Variants in DUOX2 observed in about 807,000 individuals in gnomAD.
DUOX2 encodes dual oxidase 2, also known as NADH/NADPH thyroid oxidase p138-tox.
In DUOX2, 185 loss-of-function variants were observed where a neutral mutation model predicts 183.3. The ratio of observed to expected loss-of-function variants is 1.01; its 90% CI spans 0.90 to 1.14. The LOEUF (loss-of-function observed/expected upper bound fraction) is 1.14. Among genes scored for constraint, DUOX2 ranks in the 50% most tolerant of loss-of-function variants. The pLI is 0.00. For synonymous variants in DUOX2, 788 were observed against 812.4 expected, an observed-to-expected ratio of 0.97 and a Z score of 0.51; for missense variants, 1,999 against 2,022.9, an observed-to-expected ratio of 0.99 and a Z score of 0.23.
intron 3 of DUOX2, 61 bp from the exon 4 acceptor site, chr15:45,112,779 T>C: frequency 4.4e-6 from 7 of 1,602,326 alleles, no homozygotes; most frequent in Middle Eastern, 3.3e-4. Flanking sequence ...CCCCCAAACC[T>C]CTCCCTAAGC....
intron 23 of DUOX2, 135 bp downstream of exon 23, chr15:45,100,620 T>C (rs770792274): frequency 1.1e-5 from 9 of 838,460 alleles, no homozygotes; most frequent in Admixed American, 1.7e-5. Flanking sequence ...CACTGTAACC[T>C]CTCAGTCAGG....
intron 24 of DUOX2, 30 bp downstream of exon 24, chr15:45,100,020 T>G: frequency 6.2e-7 from 1 of 1,614,102 alleles, no homozygotes; most frequent in Non-Finnish European, 8.5e-7. Flanking sequence ...GCCTGCTCCC[T>G]ACCCACTGCC....
chr15:45,104,433 T>C, intron 18 of DUOX2, 68 bp from the exon 19 acceptor site: 1 of 1,562,036 alleles, frequency 6.4e-7, no homozygotes, highest in Non-Finnish European at 8.7e-7. Context: ...AGCAGTTCAG[T>C]GACCCTTCAT....
intron 2 of DUOX2, 128 bp from the exon 3 acceptor site, chr15:45,113,204 C>T: frequency 6.9e-7 from 1 of 1,444,034 alleles, no homozygotes; most frequent in Non-Finnish European, 9.5e-7. Context: ...TCGGGCCGCA[C>T]TGGGAAGTTT....
intron 18 of DUOX2, 77 bp downstream of exon 18, chr15:45,105,566 C>T (rs1290859034): frequency 6.4e-7 from 1 of 1,572,168 alleles, no homozygotes; most frequent in South Asian, 1.1e-5. Context: ...AGTTCACCCA[C>T]AGGGGCGTTC....
intron 14 of DUOX2, 126 bp downstream of exon 14, chr15:45,107,219 C>A: frequency 1.5e-6 from 2 of 1,337,036 alleles, no homozygotes; most frequent in Non-Finnish European, 1.1e-6. Context: ...CAGCCAAATG[C>A]AGGCCTCCTA....
Position 45,094,916 on chromosome 15 carries a change from C to A in DUOX2, c.4395+20G>T. 1 of 1,613,210 alleles carries A rather than the reference C, an allele frequency of 6.2e-7. No homozygotes were observed. The highest frequency in any genetic ancestry group is 8.5e-7 in the Non-Finnish European group (1 of 1,179,194). On this transcript the variant is annotated intron_variant, in intron 32 of 33. Transcript: ENST00000389039. ...TCCATCTGCCCGCCAAGTTGCCCTG[C>A]CTGGCGGGCCCTGACATACTAGCAT... is the stretch of plus-strand genomic sequence containing the variant.
chr15:45,098,282 G>A (rs1241723162), intron 26 of DUOX2, among the ~76,000 whole-genome samples: 1 of 152,192 alleles, frequency 6.6e-6, no homozygotes, highest in East Asian at 1.9e-4. Context: ...CTCTCTTACT[G>A]TGGTTGACCC....
intron 9 of DUOX2, 85 bp downstream of exon 9, chr15:45,110,343 G>C: frequency 7.6e-7 from 1 of 1,318,454 alleles, no homozygotes; most frequent in South Asian, 1.5e-5. Flanking sequence ...AAACTGCGAA[G>C]GAGTGTGAAA....
At position 45,110,767 on chromosome 15, in the gene DUOX2, G is replaced by T. The variant is rs114240217; in HGVS notation, c.883-57C>A. 9,219 of 1,611,068 alleles carry T rather than the reference G, an allele frequency of 5.7e-3. 516 individuals are homozygous for T. In the African/African-American group the frequency reaches 0.11, roughly 19 times the overall value. The stretch of plus-strand genomic sequence containing the variant: ...AAGTTGGATGGTGTGGGGCCTGGAA[G>T]GGTCTGAGCCCAAGGACGGCTTCCG... On this transcript the variant is annotated intron_variant, in intron 7 of 33. Transcript: ENST00000389039.
rs1331582470 is a variant in DUOX2 at position 45,113,056 on chromosome 15, G to C, written c.91C>G (p.Leu31Val). Residue 31 changes from leucine to valine, a missense_variant, in exon 3 of 34, where the codon CTG (leucine) becomes GTG (valine). Physicochemically the swap from Leu to Val is conservative, Grantham distance 32 (BLOSUM62 1). Around this residue, in one of 3 missense-constraint regions of DUOX2, gnomAD observed 356 missense variants for 356.4 expected, o/e 1.00. Transcript: ENST00000389039. The part of the protein sequence containing the change: ...GPSGSQDALS[L>V]PWEVQRYDGW... Reference sequence around the variant, plus strand: ...TCATAGCGCTGCACTTCCCAGGGCAGTGAGAGTGCGTCCTGACTGCCTGTG... The same window carrying C: ...TCATAGCGCTGCACTTCCCAGGGCACTGAGAGTGCGTCCTGACTGCCTGTG... 3.7e-6 allele frequency: 6 copies of C among 1,613,908 alleles called. No homozygotes were observed. Among genetic ancestry groups the C allele is most frequent in the Non-Finnish European group, 4.2e-6 (5 of 1,180,004 alleles).
At chr15:45,104,671 C>T (rs969228789) in intron 18 of DUOX2, among the ~76,000 whole-genome samples, 6 of 152,182 alleles carry the variant, frequency 3.9e-5, no homozygotes, top group Non-Finnish European at 8.8e-5. Flanking sequence ...AGAGCCTATA[C>T]TGGGGACAGA....
rs781082019 is a variant in DUOX2 at position 45,106,932 on chromosome 15, G to A, written c.1731C>T (p.Asp577=). Residue 577 remains aspartate (D), a synonymous_variant, in exon 15 of 34, where the codon GAC becomes GAT. Transcript: ENST00000389039. ...TCAGGGGTGCACACTGGGGCAGGCC[G>A]TCAGTTGTGAGCTGCTTAGGTTGAG... The part of the protein sequence containing the change: ...PCPQPKQLTT[D]GLPQCAPLTV... 36 of 1,579,996 alleles carry A rather than the reference G, an allele frequency of 2.3e-5. No homozygotes were observed. In the Admixed American group the frequency reaches 3.0e-4, roughly 13 times the overall value.
At position 45,106,936 on chromosome 15, in the gene DUOX2, G is replaced by T. The variant is rs1475723164; in HGVS notation, c.1727C>A (p.Thr576Asn). Reference protein sequence around the residue: ...APCPQPKQLTTDGLPQCAPLT... With the variant: ...APCPQPKQLTNDGLPQCAPLT... The stretch of plus-strand genomic sequence containing the variant: ...GGGTGCACACTGGGGCAGGCCGTCA[G>T]TTGTGAGCTGCTTAGGTTGAGGGCA... Residue 576 changes from threonine (T) to asparagine (N), a missense_variant, in exon 15 of 34, where the codon ACT becomes AAT. Transcript: ENST00000389039. 1.3e-6 allele frequency: 2 copies of T among 1,579,662 alleles called. No homozygotes were observed. Among genetic ancestry groups the T allele is most frequent in the African/African-American group, 2.7e-5 (2 of 74,734 alleles).
Position 45,094,190 on chromosome 15 carries a change from T to C in DUOX2, c.4607A>G (p.Gln1536Arg), listed in dbSNP as rs565508899. ...VEKACQLVNR[Q>R]DRAHFMHHYE... The stretch of plus-strand genomic sequence containing the variant: ...GTGGTGCATGAAGTGGGCTCGGTCC[T>C]GCCTGTTGACGAGCTGACAGGCCTT... The change falls in exon 34 of 34, where the codon CAG becomes CGG. Residue 1536 changes from glutamine (Q) to arginine (R), a missense_variant. By Grantham distance (43) the Gln-to-Arg change is conservative. Transcript: ENST00000389039. 8.7e-6 allele frequency: 14 copies of C among 1,614,180 alleles called. No individual in the cohort carries two copies. In the South Asian group the frequency reaches 1.3e-4, roughly 15 times the overall value.
rs373924991 is a variant in DUOX2, at chr15:45,099,658, G to T, written c.3415+4C>A. ...AAAGAGGAAGAAGCCTGGGAGTCAC[G>T]TACTGGCCAGGACAACAGCAGCCAT... On this transcript the variant is annotated splice_donor_region_variant and intron_variant, in intron 25 of 33. Transcript: ENST00000389039. The T allele has an allele frequency of 6.2e-7, 1 of 1,613,990 alleles. No homozygotes were observed. The highest frequency in any genetic ancestry group is 1.3e-5 in the African/African-American group (1 of 74,904).
At chr15:45,113,317 G>T (rs1401853191) in intron 2 of DUOX2, 25 bp downstream of exon 2, 8 of 1,553,586 alleles carry the variant, frequency 5.1e-6, no homozygotes, top group African/African-American at 1.4e-5. Flanking sequence ...GGAACACCCC[G>T]CCGCTAGAGG....
At chr15:45,107,869 A>G (rs1270236168) in intron 13 of DUOX2, among the ~76,000 whole-genome samples, 178 bp downstream of exon 13, 8 of 10,468 alleles carry the variant, frequency 7.6e-4, no homozygotes, top group African/African-American at 1.7e-3. Flanking sequence ...AAAAAAAAAA[A>G]AAAGAAAAAG....
intron 5 of DUOX2, 76 bp downstream of exon 5, chr15:45,111,692 C>G (rs999793777): frequency 6.9e-7 from 1 of 1,458,466 alleles, no homozygotes; most frequent in African/African-American, 1.5e-5. Context: ...CTCTCCCCTC[C>G]AGGCCCTGCC....
Sources: gnomAD v4.1 joint callset for allele counts (sites outside exome capture counted in the v4.1 genomes callset) on GRCh38, gnomAD v4.1.1 for gene constraint, gnomAD v4.1.1 regional missense constraint, MANE v1.5 for transcripts, NCBI Gene and HGNC (gene_info 2026-07-23, HGNC 2026-07-21) for gene names.